Variants in CACNG3 observed in about 807,000 individuals in gnomAD.
The protein encoded by CACNG3 is voltage-dependent calcium channel gamma-3 subunit.
In CACNG3, 3 loss-of-function variants were observed where a neutral mutation model predicts 28.5. The observed-to-expected ratio is 0.11, with a 90% CI of 0.05 to 0.27. The LOEUF (loss-of-function observed/expected upper bound fraction) is 0.27. Ranked by LOEUF, CACNG3 falls within the 10% of genes least tolerant of loss-of-function variation. The pLI is 1.00. For missense variants in CACNG3, 236 were observed against 414.4 expected (o/e 0.57, Z 3.74); for synonymous variants, 174 against 162.2 (o/e 1.07, Z -0.55).
At chr16:24,269,789 A>C (rs1425896600) in intron 1 of CACNG3, among the ~76,000 whole-genome samples, 2 of 149,654 alleles carry the variant, frequency 1.3e-5, no homozygotes, top group Admixed American at 1.3e-4. Flanking sequence ...AAGAAAGAAA[A>C]AGAAAGAAAG....
At chr16:24,281,442 A>G (rs1220428033) in intron 1 of CACNG3, among the ~76,000 whole-genome samples, 5 of 151,994 alleles carry the variant, frequency 3.3e-5, no homozygotes, top group African/African-American at 7.2e-5. Context: ...CTTGAGCTCA[A>G]TTGATCCTCC....
intron 3 of CACNG3, among the ~76,000 whole-genome samples, chr16:24,360,248 A>C (rs1299724614): frequency 3.1e-5 from 1 of 32,516 alleles, no homozygotes; most frequent in African/African-American, 2.5e-4. Flanking sequence ...ACAAAGGGAC[A>C]AAAAAAAAGA....
chr16:24,269,117 A>G (rs894026329), intron 1 of CACNG3, among the ~76,000 whole-genome samples: 2 of 152,304 alleles, frequency 1.3e-5, no homozygotes, highest in Non-Finnish European at 1.5e-5. Flanking sequence ...GGCAAGACCC[A>G]ACACCATCTA....
intron 1 of CACNG3, among the ~76,000 whole-genome samples, chr16:24,267,739 G>A (rs1367570465): frequency 6.6e-6 from 1 of 152,074 alleles, no homozygotes; most frequent in Non-Finnish European, 1.5e-5. Context: ...ATGTGATCTT[G>A]GCTCACTGCA....
intron 1 of CACNG3, among the ~76,000 whole-genome samples, chr16:24,298,165 C>T (rs569233654): frequency 7.9e-5 from 12 of 152,134 alleles, no homozygotes; most frequent in Non-Finnish European, 1.8e-4. Flanking sequence ...AGTATATTTA[C>T]ATTTTCTACT....
intron 1 of CACNG3, among the ~76,000 whole-genome samples, chr16:24,257,773 T>C: frequency 6.6e-6 from 1 of 152,230 alleles, no homozygotes. Flanking sequence ...TCGTCATTTC[T>C]AGTTCTAAAA....
chr16:24,326,572 G>A (rs1045433293), intron 1 of CACNG3, among the ~76,000 whole-genome samples: 4 of 152,198 alleles, frequency 2.6e-5, no homozygotes, highest in Non-Finnish European at 4.4e-5. Context: ...GCCAATCAAG[G>A]TGGTGAGACA....
chr16:24,325,561 G>A (rs112945208), intron 1 of CACNG3, among the ~76,000 whole-genome samples: 4 of 152,238 alleles, frequency 2.6e-5, no homozygotes, highest in Admixed American at 6.5e-5. Flanking sequence ...CGAGCTCTGC[G>A]GCTGGGAGAA....
intron 1 of CACNG3, among the ~76,000 whole-genome samples, chr16:24,282,724 A>G (rs1339716191): frequency 1.3e-5 from 2 of 152,206 alleles, no homozygotes; most frequent in Non-Finnish European, 2.9e-5. Flanking sequence ...AAACTCAGAC[A>G]CACATATGTA....
At chr16:24,311,717 ATGGTGGCGGATGCC>A (rs942395185) in intron 1 of CACNG3, among the ~76,000 whole-genome samples, 14 of 150,676 alleles carry the variant, frequency 9.3e-5, no homozygotes, top group Non-Finnish European at 4.4e-5. Context: ...TTAGCTGGGC[ATGGTGGCGGATGCC>A]TGTAATCCCA....
chr16:24,317,539 C>G (rs1424603478), intron 1 of CACNG3, among the ~76,000 whole-genome samples: 4 of 47,034 alleles, frequency 8.5e-5, no homozygotes, highest in Non-Finnish European at 1.7e-4. Flanking sequence ...GATTCTGTCT[C>G]AAAAAAAAAA....
At chr16:24,343,898 G>C (rs1208882471) in intron 1 of CACNG3, among the ~76,000 whole-genome samples, 1 of 151,900 alleles carries the variant, frequency 6.6e-6, no homozygotes, top group African/African-American at 2.4e-5. Context: ...GACCATCCTG[G>C]CTAACACAGT....
chr16:24,288,245 T>A (rs739747), intron 1 of CACNG3, among the ~76,000 whole-genome samples: 107,143 of 152,018 alleles, frequency 0.7, 37,931 homozygotes, highest in East Asian at 0.82. Flanking sequence ...ATAATAGCTT[T>A]CTGTTTATTG....
intron 1 of CACNG3, among the ~76,000 whole-genome samples, chr16:24,310,297 C>T (rs1022591871): frequency 6.6e-6 from 1 of 152,222 alleles, no homozygotes; most frequent in African/African-American, 2.4e-5. Context: ...GGCACAGTGG[C>T]TCACGCCTGT....
intron 1 of CACNG3, among the ~76,000 whole-genome samples, chr16:24,282,025 C>T (rs955448219): frequency 3.3e-5 from 5 of 152,174 alleles, no homozygotes; most frequent in Admixed American, 6.5e-5. Flanking sequence ...TAAACCACTA[C>T]TCTATGACAC....
At chr16:24,269,390 C>A (rs1199008586) in intron 1 of CACNG3, among the ~76,000 whole-genome samples, 1 of 152,116 alleles carries the variant, frequency 6.6e-6, no homozygotes, top group African/African-American at 2.4e-5. Context: ...AATAATATCT[C>A]CTATAATTCC....
chr16:24,259,833 C>A (rs1596618443), intron 1 of CACNG3, among the ~76,000 whole-genome samples: 1 of 152,286 alleles, frequency 6.6e-6, no homozygotes, highest in East Asian at 1.9e-4. Flanking sequence ...CAAGAATAAG[C>A]AAACTACATC....
intron 1 of CACNG3, among the ~76,000 whole-genome samples, chr16:24,265,025 G>T (rs1296104823): frequency 6.6e-6 from 1 of 152,174 alleles, no homozygotes; most frequent in Non-Finnish European, 1.5e-5. Context: ...GATCACTTGA[G>T]CCCCAAAGTT....
intron 1 of CACNG3, among the ~76,000 whole-genome samples, chr16:24,290,639 A>G (rs370200466): frequency 6.6e-6 from 1 of 152,272 alleles, no homozygotes; most frequent in South Asian, 2.1e-4. Flanking sequence ...GAGTCTCGCT[A>G]TGTTCCCCAG....
Sources: allele counts gnomAD v4.1 joint callset (sites outside exome capture counted in the v4.1 genomes callset), GRCh38; gene constraint gnomAD v4.1.1; transcripts MANE v1.5; gene names NCBI Gene and HGNC (gene_info 2026-07-23, HGNC 2026-07-21).